The following TBCE variants were observed in gnomAD, a reference collection of about 807,000 sequenced individuals.
The protein encoded by TBCE is tubulin-specific chaperone E.
TBCE carries 53 observed loss-of-function variants against 77.0 expected under a neutral mutation model. The observed-to-expected ratio is 0.69, with a 90% CI of 0.55 to 0.87. The LOEUF (loss-of-function observed/expected upper bound fraction) is 0.87. Among genes scored for constraint, TBCE ranks in the 40% least tolerant of loss-of-function variants. The pLI is 0.00. For missense variants in TBCE, 624 were observed against 622.4 expected (o/e 1.00, Z -0.03); for synonymous variants, 235 against 241.3 (o/e 0.97, Z 0.24).
At chr1:235,419,742 GC>G (rs968519038) in intron 5 of TBCE, among the ~76,000 whole-genome samples, 181 bp downstream of exon 5, 2 of 152,174 alleles carry the variant, frequency 1.3e-5, no homozygotes, top group African/African-American at 4.8e-5. Flanking sequence ...CCCTTTGCTT[GC>G]AAGTTTGCCA....
chr1:235,385,237 CTA>C (rs1224148828), intron 2 of TBCE, among the ~76,000 whole-genome samples: 1 of 151,974 alleles, frequency 6.6e-6, no homozygotes, highest in East Asian at 1.9e-4. Context: ...TTACTTCCAA[CTA>C]TGTGGTCAAT....
Position 235,427,162 on chromosome 1 carries a change from A to C in TBCE, c.483A>C (p.Ser161=), listed in dbSNP as rs1204886395. 7 of 1,613,536 alleles carry C rather than the reference A, an allele frequency of 4.3e-6. No homozygotes were observed. Residue 161 remains serine (S), a synonymous_variant, in exon 6 of 17, where the codon TCA becomes TCC. Coordinates refer to ENST00000642610, the MANE Select transcript of TBCE (RefSeq NM_003193.5). ...TAGATATCAGAAAGGTAGATTTGTC[A>C]AAAAACCTGTTGTCATCATGGGATG... ...ACPNIRKVDL[S]KNLLSSWDEV... is the part of the protein sequence containing the mutation.
intron 7 of TBCE, among the ~76,000 whole-genome samples, chr1:235,431,113 T>C (rs1349393058): frequency 1.3e-5 from 2 of 152,184 alleles, no homozygotes; most frequent in Non-Finnish European, 2.9e-5. Flanking sequence ...AAAGCCGTAG[T>C]GTTGGCTATT....
In TBCE at chr1:235,437,488, T is replaced by A. The variant is rs765880794; in HGVS notation, c.1116+14T>A. The stretch of plus-strand genomic sequence containing the variant: ...AACAAATGTGAGGTGAGCACTGGCG[T>A]CATGACTAGATATTTTTTAGACTAG... On this transcript the variant is annotated intron_variant, in intron 12 of 16. Coordinates refer to ENST00000642610, the MANE Select transcript of TBCE (RefSeq NM_003193.5). 1 of 1,613,476 alleles carries A rather than the reference T, an allele frequency of 6.2e-7. No homozygotes were observed. Among genetic ancestry groups the A allele is most frequent in the Non-Finnish European group, 8.5e-7 (1 of 1,179,758 alleles).
chr1:235,431,278 C>T (rs1035696993), intron 7 of TBCE, among the ~76,000 whole-genome samples: 1 of 152,098 alleles, frequency 6.6e-6, no homozygotes, highest in African/African-American at 2.4e-5. Flanking sequence ...GGGTCCTTGG[C>T]ACAGCAGCAT....
chr1:235,400,493 C>T (rs186059262), intron 2 of TBCE, among the ~76,000 whole-genome samples: 95 of 145,204 alleles, frequency 6.5e-4, no homozygotes, highest in African/African-American at 2.0e-3. Context: ...CTCCGCCTTC[C>T]GGGTTCACGC....
chr1:235,380,200 T>A, intron 2 of TBCE, 51 bp downstream of exon 2: 1 of 1,139,462 alleles, frequency 8.8e-7, no homozygotes. Flanking sequence ...TGTGTGTGTG[T>A]GTGTGTGTGT....
At position 235,377,810 on chromosome 1, in the gene TBCE, G is replaced by A. The variant is rs1403100881; in HGVS notation, c.-31-2209G>A. Among the ~76,000 whole-genome samples the A allele has an allele frequency of 2.6e-5, 4 of 151,970 alleles. No individual in the cohort carries two copies. The South Asian group carries it at 6.2e-4, about 24-fold the overall frequency. On this transcript the variant is annotated intron_variant, in intron 1 of 16. Coordinates refer to ENST00000642610, the MANE Select transcript of TBCE (RefSeq NM_003193.5). ...GGGATTACAGGCATCGCGCCACCAC[G>A]CCTGGCTAGTTTTTGTATTTTTAGT...
intron 4 of TBCE, among the ~76,000 whole-genome samples, chr1:235,416,583 A>G (rs1430689141): frequency 6.6e-6 from 1 of 152,146 alleles, no homozygotes; most frequent in Non-Finnish European, 1.5e-5. Context: ...TCTTACCCAA[A>G]GGAAGCATTT....
At chr1:235,371,469 G>A (rs1243832747) in intron 1 of TBCE, among the ~76,000 whole-genome samples, 4 of 148,602 alleles carry the variant, frequency 2.7e-5, no homozygotes, top group African/African-American at 7.5e-5. Flanking sequence ...TCTACCTCCC[G>A]GGTTCAAGTG....
At chr1:235,409,273 A>G (rs990193575) in intron 3 of TBCE, among the ~76,000 whole-genome samples, 3 of 152,174 alleles carry the variant, frequency 2.0e-5, no homozygotes, top group Non-Finnish European at 4.4e-5. Context: ...GAACCTGAAC[A>G]GGCCAAATGC....
At chr1:235,441,685 C>CAGCT (rs1450199593) in intron 13 of TBCE, 129 bp from the exon 14 acceptor site, 1 of 778,280 alleles carries the variant, frequency 1.3e-6, no homozygotes, top group African/African-American at 1.7e-5. Context: ...TGAATAAAGG[C>CAGCT]AGCTCCATGT....
At chr1:235,426,560 G>T (rs1022474464) in intron 5 of TBCE, among the ~76,000 whole-genome samples, 1 of 152,186 alleles carries the variant, frequency 6.6e-6, no homozygotes, top group African/African-American at 2.4e-5. Flanking sequence ...GATAGTGCTA[G>T]GATGGTTTAG....
chr1:235,413,463 A>C (rs1392218591), intron 3 of TBCE, among the ~76,000 whole-genome samples: 2 of 151,938 alleles, frequency 1.3e-5, no homozygotes, highest in Non-Finnish European at 2.9e-5. Flanking sequence ...GAAGTTCAAG[A>C]CCAGCCTGGC....
rs1487347132 is a variant in TBCE, at chr1:235,419,271, A to AG, written c.372-200dup. On this transcript the variant is annotated intron_variant, in intron 4 of 16. Coordinates refer to ENST00000642610, the MANE Select transcript of TBCE (RefSeq NM_003193.5). ...GAATTGTGTTTGGAGAGGGCCCCAG[A>AG]GGACTTCAGTTGCATTTGTAATATT... The AG allele has an allele frequency of 1.1e-5, 8 of 719,130 alleles. No homozygotes were observed. The African/African-American group carries it at 1.3e-4, about 11-fold the overall frequency. The allele number at this position is 719,130 out of a possible 1,614,324, so 44.5% of individuals were successfully genotyped here.
At chr1:235,373,656 A>G (rs1302583230) in intron 1 of TBCE, among the ~76,000 whole-genome samples, 2 of 148,122 alleles carry the variant, frequency 1.4e-5, no homozygotes, top group Non-Finnish European at 3.0e-5. Flanking sequence ...ATTTTATTTT[A>G]TTTTATTTTT....
intron 1 of TBCE, among the ~76,000 whole-genome samples, chr1:235,370,670 T>C (rs1437467784): frequency 6.6e-6 from 1 of 151,992 alleles, no homozygotes; most frequent in African/African-American, 2.4e-5. Context: ...ATATAATTGT[T>C]GATTGAATGA....
In TBCE at chr1:235,437,408, A is replaced by G. The variant is rs35663526; in HGVS notation, c.1050A>G (p.Glu350=). The G allele has an allele frequency of 1.4e-3, 2,201 of 1,614,212 alleles. 25 individuals are homozygous for G. The African/African-American group carries it at 0.025, about 18-fold the overall frequency. Reference sequence around the variant, plus strand: ...ACCCCCTGACCAAAGAGGACAAAGAAGCAGAGACGGCGCGACTACTCATTA... The same window carrying G: ...ACCCCCTGACCAAAGAGGACAAAGAGGCAGAGACGGCGCGACTACTCATTA... ...LRNPLTKEDK[E]AETARLLIIA... is the part of the protein sequence containing the mutation. Residue 350 remains glutamate (E), a synonymous_variant, in exon 12 of 17, where the codon GAA becomes GAG. Transcript: ENST00000642610.
At chr1:235,402,622 T>C (rs1407897367) in intron 3 of TBCE, among the ~76,000 whole-genome samples, 1 of 152,038 alleles carries the variant, frequency 6.6e-6, no homozygotes, top group African/African-American at 2.4e-5. Context: ...CTTTTTTGTT[T>C]GTTTGGTTGG....
Sources: gnomAD v4.1 joint callset for allele counts (sites outside exome capture counted in the v4.1 genomes callset) on GRCh38, gnomAD v4.1.1 for gene constraint, MANE v1.5 for transcripts, NCBI Gene and HGNC (gene_info 2026-07-23, HGNC 2026-07-21) for gene names.